The following SLC71A1 variants were observed in gnomAD, a reference collection of about 807,000 sequenced individuals.
SLC71A1 encodes hippocampus abundant gene transcript 1.
the SLC71A1 span, among the ~76,000 whole-genome samples, chr1:100,057,615 A>G: frequency 6.6e-6 from 1 of 151,910 alleles, no homozygotes; most frequent in African/African-American, 2.4e-5. Flanking sequence ...CTTCCTTCCA[A>G]AGTGTTGGGA....
the SLC71A1 span, among the ~76,000 whole-genome samples, chr1:100,074,092 T>C: frequency 2.6e-5 from 4 of 152,044 alleles, no homozygotes; most frequent in Non-Finnish European, 4.4e-5. Context: ...CCAGTTACAG[T>C]GTTGTAAGTA....
chr1:100,047,804 G>C, the SLC71A1 span, among the ~76,000 whole-genome samples: 1 of 152,138 alleles, frequency 6.6e-6, no homozygotes. Context: ...ATGTTCATCA[G>C]AGATATTGTC....
the SLC71A1 span, chr1:100,082,451 T>A: frequency 7.9e-6 from 4 of 505,720 alleles, no homozygotes; most frequent in Non-Finnish European, 1.4e-5. Flanking sequence ...CACTAAGCTA[T>A]TTGTTTTATT....
the SLC71A1 span, among the ~76,000 whole-genome samples, chr1:100,054,535 T>C: frequency 6.6e-6 from 1 of 152,102 alleles, no homozygotes; most frequent in Non-Finnish European, 1.5e-5. Flanking sequence ...GACAGACCTA[T>C]GGCTCTGGAA....
chr1:100,072,413 A>T, the SLC71A1 span, among the ~76,000 whole-genome samples: 4 of 152,118 alleles, frequency 2.6e-5, no homozygotes, highest in African/African-American at 9.7e-5. Context: ...TACAGAATAC[A>T]GTGTAGTAGA....
the SLC71A1 span, among the ~76,000 whole-genome samples, chr1:100,060,789 C>T: frequency 4.0e-5 from 6 of 151,554 alleles, no homozygotes; most frequent in Admixed American, 3.9e-4. Context: ...GGAAGGAAAG[C>T]TAACAAAAAG....
At chr1:100,066,862 G>A in the SLC71A1 span, among the ~76,000 whole-genome samples, 19 of 151,824 alleles carry the variant, frequency 1.3e-4, no homozygotes, top group Non-Finnish European at 2.4e-4. Flanking sequence ...GGTGGCGGGC[G>A]CCTGTAGTCC....
At chr1:100,071,289 C>CAAAAAAAAA in the SLC71A1 span, among the ~76,000 whole-genome samples, 55 of 53,384 alleles carry the variant, frequency 1.0e-3, 1 homozygote, top group African/African-American at 2.3e-3. Context: ...CCATCTCTAC[C>CAAAAAAAAA]AAAAAAAAAA....
chr1:100,070,739 G>A, the SLC71A1 span, among the ~76,000 whole-genome samples: 8 of 151,836 alleles, frequency 5.3e-5, no homozygotes, highest in Admixed American at 1.3e-4. Flanking sequence ...CCCCTTTCTT[G>A]CTATTTGGCT....
At chr1:100,072,042 C>T in the SLC71A1 span, among the ~76,000 whole-genome samples, 3 of 152,188 alleles carry the variant, frequency 2.0e-5, no homozygotes, top group Admixed American at 6.5e-5. Context: ...CCTTAAGTGA[C>T]CATTTAGGTT....
At chr1:100,048,969 C>T in the SLC71A1 span, among the ~76,000 whole-genome samples, 40 of 152,294 alleles carry the variant, frequency 2.6e-4, no homozygotes, top group Non-Finnish European at 5.0e-4. Flanking sequence ...TTCTCCCTTC[C>T]GCTATTTATC....
chr1:100,047,244 TTGAG>T, the SLC71A1 span, among the ~76,000 whole-genome samples: 1 of 152,210 alleles, frequency 6.6e-6, no homozygotes, highest in Admixed American at 6.5e-5. Flanking sequence ...TATACCATTT[TTGAG>T]AGTTTTTATG....
At chr1:100,046,231 T>G in the SLC71A1 span, among the ~76,000 whole-genome samples, 1 of 115,756 alleles carries the variant, frequency 8.6e-6, no homozygotes, top group African/African-American at 3.5e-5. Context: ...TTTTTTTTTT[T>G]TTTTTTTTTT....
chr1:100,062,439 T>G, the SLC71A1 span, among the ~76,000 whole-genome samples: 2 of 152,214 alleles, frequency 1.3e-5, no homozygotes, highest in Admixed American at 6.5e-5. Flanking sequence ...CAGCCAGATT[T>G]GAGCCATAGT....
At chr1:100,049,217 T>A in the SLC71A1 span, among the ~76,000 whole-genome samples, 1 of 152,238 alleles carries the variant, frequency 6.6e-6, no homozygotes. Flanking sequence ...TTCTTTCTCA[T>A]GTATATCAAA....
At chr1:100,062,153 T>C in the SLC71A1 span, 1 of 451,060 alleles carries the variant, frequency 2.2e-6, no homozygotes, top group Non-Finnish European at 3.9e-6. Context: ...ATTTAGTAGA[T>C]ATTCATAAGT....
the SLC71A1 span, among the ~76,000 whole-genome samples, chr1:100,076,629 T>C: frequency 6.6e-6 from 1 of 152,194 alleles, no homozygotes; most frequent in Non-Finnish European, 1.5e-5. Context: ...AAGATTATGA[T>C]CCAGGCTGTT....
the SLC71A1 span, chr1:100,080,346 A>G: frequency 3.5e-5 from 22 of 633,964 alleles, no homozygotes; most frequent in African/African-American, 2.0e-4. Flanking sequence ...GCTTCTAAAT[A>G]TTAATAGTTT....
At chr1:100,072,058 G>A in the SLC71A1 span, among the ~76,000 whole-genome samples, 1 of 152,222 alleles carries the variant, frequency 6.6e-6, no homozygotes, top group Non-Finnish European at 1.5e-5. Context: ...AGGTTTTGGT[G>A]CTTATGTAGA....
Sources: gnomAD v4.1 joint callset for allele counts (sites outside exome capture counted in the v4.1 genomes callset) on GRCh38, gnomAD v4.1.1 for gene constraint, MANE v1.5 for transcripts, NCBI Gene and HGNC (gene_info 2026-07-23, HGNC 2026-07-21) for gene names.